Variants in DEPDC4 observed in about 807,000 individuals in gnomAD.
DEPDC4 encodes DEP domain containing 4.
DEPDC4 carries 52 observed loss-of-function variants against 52.0 expected under a neutral mutation model. The ratio of observed to expected loss-of-function variants is 1.00; its 90% CI spans 0.80 to 1.26. The LOEUF (loss-of-function observed/expected upper bound fraction) is 1.26, where lower values mean the gene tolerates loss of function less well. Ranked by LOEUF, DEPDC4 falls within the 50% of genes most tolerant of loss-of-function variation. The pLI, the probability that DEPDC4 is intolerant of heterozygous loss-of-function variation, is 0.00. For missense variants in DEPDC4, 530 were observed against 546.9 expected (o/e 0.97, Z 0.31); for synonymous variants, 201 against 196.8 (o/e 1.02, Z -0.18).
intron 1 of DEPDC4, among the ~76,000 whole-genome samples, chr12:100,264,724 CA>C (rs2096265638): frequency 6.6e-6 from 1 of 151,914 alleles, no homozygotes; most frequent in Admixed American, 6.6e-5. Flanking sequence ...GTCACATACC[CA>C]CTTGAGCTGA....
intron 9 of DEPDC4, among the ~76,000 whole-genome samples, chr12:100,232,852 C>G (rs1465757661): frequency 1.3e-5 from 2 of 152,110 alleles, no homozygotes; most frequent in African/African-American, 4.8e-5. Context: ...CCATTGCACT[C>G]CAGCCTGGGC....
rs539397807 is a variant in DEPDC4 at position 100,243,363 on chromosome 12, A to T, written c.1454-794T>A. 2.0e-5 allele frequency among the ~76,000 whole-genome samples: 3 copies of T among 152,180 alleles called. No individual in the cohort carries two copies. In the East Asian group the frequency reaches 5.8e-4, roughly 29 times the overall value. On this transcript the variant is annotated intron_variant, in intron 8 of 9. Coordinates refer to ENST00000550587, the MANE Select transcript of DEPDC4 (RefSeq NM_001364818.2). ...TTAAACTTTCTCAACTCCCCTAACC[A>T]TCTATTTCAAACTATTCCCTTCTTC...
intron 3 of DEPDC4, among the ~76,000 whole-genome samples, chr12:100,256,831 C>T (rs1324644195): frequency 3.3e-5 from 5 of 151,610 alleles, no homozygotes; most frequent in Admixed American, 2.0e-4. Context: ...TTAGTAGAGA[C>T]GGGGTTTCAC....
upstream of DEPDC4, among the ~76,000 whole-genome samples, chr12:100,268,124 T>C (rs1298438599): frequency 6.6e-6 from 1 of 152,208 alleles, no homozygotes; most frequent in Non-Finnish European, 1.5e-5. Context: ...TCGAGGAGGC[T>C]CCAGACAAGC....
chr12:100,231,829 C>T (rs931574943), intron 9 of DEPDC4, among the ~76,000 whole-genome samples: 5 of 151,756 alleles, frequency 3.3e-5, no homozygotes, highest in Admixed American at 6.6e-5. Flanking sequence ...CTTGTAGTAC[C>T]AGCTACTCAG....
At chr12:100,235,492 C>T (rs1476048815), downstream of DEPDC4, among the ~76,000 whole-genome samples, 3 of 151,762 alleles carry the variant, frequency 2.0e-5, no homozygotes, top group Non-Finnish European at 2.9e-5. Flanking sequence ...CAGCAGTATA[C>T]ACTGAACCCA....
At chr12:100,238,434 A>AC (rs201861743), downstream of DEPDC4, among the ~76,000 whole-genome samples, 21,855 of 150,848 alleles carry the variant, frequency 0.14, 2,064 homozygotes, top group Non-Finnish European at 0.21. Flanking sequence ...TGCTGGGATT[A>AC]CAGGTGTGAG....
At chr12:100,271,221 A>G (rs894546414), upstream of DEPDC4, among the ~76,000 whole-genome samples, 1 of 146,946 alleles carries the variant, frequency 6.8e-6, no homozygotes, top group African/African-American at 2.6e-5. Context: ...CTTAAGGCCA[A>G]CTCTGGCCTT....
chr12:100,253,873 G>A (rs2096219743), intron 4 of DEPDC4, among the ~76,000 whole-genome samples, 158 bp from the exon 5 acceptor site: 1 of 152,136 alleles, frequency 6.6e-6, no homozygotes, highest in East Asian at 1.9e-4. Flanking sequence ...CATTTTGCTG[G>A]ATGAGTGAAG....
chr12:100,249,443 G>C (rs750270511), intron 7 of DEPDC4, among the ~76,000 whole-genome samples: 1 of 152,126 alleles, frequency 6.6e-6, no homozygotes, highest in Non-Finnish European at 1.5e-5. Context: ...GAGTCCAGAA[G>C]TTCAAGACCA....
rs1255690161 is a variant in DEPDC4, at chr12:100,241,581, GCTTT to G, written c.*307_*310del. 1.3e-6 allele frequency: 1 copy of G among 748,338 alleles called. No homozygotes were observed. Among genetic ancestry groups the G allele is most frequent in the Non-Finnish European group, 1.7e-6 (1 of 577,244 alleles). 46.4% of individuals were successfully genotyped at this position (748,338 alleles called of 1,614,324 possible). Reference sequence around the variant, plus strand: ...AACACTTAAAATCCTTTGAGATTATGCTTTCTCTGAAGTGTAAGTATGGCAATTT... The same window carrying G: ...AACACTTAAAATCCTTTGAGATTATGCTCTGAAGTGTAAGTATGGCAATTT... On this transcript the variant is annotated 3_prime_UTR_variant, in exon 10 of 10. Transcript: ENST00000550587.
rs527498302 is a variant in DEPDC4 at position 100,241,255 on chromosome 12, C to T, written c.*637G>A. 1.8e-4 allele frequency among the ~76,000 whole-genome samples: 28 copies of T among 152,134 alleles called. 1 individual carries two copies. In the South Asian group the frequency reaches 5.8e-3, roughly 32 times the overall value. ...AAAAGGAAATTAACTGTACTAGATC[C>T]CTAATAATAGCAGCACATTTATTAA... On this transcript the variant is annotated 3_prime_UTR_variant, in exon 10 of 10. Transcript: ENST00000550587.
intron 1 of DEPDC4, among the ~76,000 whole-genome samples, chr12:100,264,672 CTG>C (rs1385741592): frequency 6.6e-6 from 1 of 151,056 alleles, no homozygotes; most frequent in African/African-American, 2.4e-5. Context: ...GAGCAAGACT[CTG>C]TCTCAAAAAA....
intron 1 of DEPDC4, among the ~76,000 whole-genome samples, chr12:100,264,335 G>A (rs1172649745): frequency 6.6e-6 from 1 of 152,060 alleles, no homozygotes; most frequent in East Asian, 1.9e-4. Context: ...GGAGATCAAG[G>A]CAAAGAACTA....
At chr12:100,247,071 A>G (rs555112264) in intron 8 of DEPDC4, among the ~76,000 whole-genome samples, 6 of 152,330 alleles carry the variant, frequency 3.9e-5, no homozygotes, top group African/African-American at 1.2e-4. Context: ...TGAGTAAGAG[A>G]TAAGTTTCAA....
At chr12:100,267,160 C>T (rs1379488962), upstream of DEPDC4, 3 of 1,456,494 alleles carry the variant, frequency 2.1e-6, no homozygotes, top group Non-Finnish European at 2.8e-6. Flanking sequence ...GTCATGCCCC[C>T]GGCCGGCAGG....
chr12:100,260,451 T>A (rs1458390849), intron 3 of DEPDC4, among the ~76,000 whole-genome samples: 2 of 151,884 alleles, frequency 1.3e-5, no homozygotes, highest in Non-Finnish European at 2.9e-5. Flanking sequence ...CACTTTTAGT[T>A]TGAAATTTCT....
At chr12:100,278,630 C>CTTT in the DEPDC4 span, among the ~76,000 whole-genome samples, 9 of 120,522 alleles carry the variant, frequency 7.5e-5, no homozygotes, top group Non-Finnish European at 1.2e-4. Context: ...TGGGGAAATT[C>CTTT]TTTTTTTTTT....
At chr12:100,268,050 T>C (rs4565995), upstream of DEPDC4, among the ~76,000 whole-genome samples, 142,487 of 152,190 alleles carry the variant, frequency 0.94, 66,846 homozygotes, top group East Asian at 1. Flanking sequence ...TTATTGGACT[T>C]TGAGCACATA....
Sources: gnomAD v4.1 joint callset for allele counts (sites outside exome capture counted in the v4.1 genomes callset) on GRCh38, gnomAD v4.1.1 for gene constraint, MANE v1.5 for transcripts, NCBI Gene and HGNC (gene_info 2026-07-23, HGNC 2026-07-21) for gene names.